NRXN1: variants seen among roughly 807,000 people sequenced by gnomAD.
The protein encoded by NRXN1 is neurexin-1.
A neutral mutation model predicts 150.9 loss-of-function variants in NRXN1; 39 were observed. The observed-to-expected ratio is 0.26, with a 90% CI of 0.20 to 0.34. The LOEUF is 0.34. Among genes scored for constraint, NRXN1 ranks in the 10% least tolerant of loss-of-function variants. NRXN1 has a pLI of 1.00. For missense variants in NRXN1, 1,815 were observed against 1,949.9 expected, an observed-to-expected ratio of 0.93 and a Z score of 1.30; for synonymous variants, 924 against 757.0, an observed-to-expected ratio of 1.22 and a Z score of -3.62.
intron 17 of NRXN1, among the ~76,000 whole-genome samples, chr2:50,245,707 C>G (rs1286021433): frequency 2.0e-5 from 3 of 151,278 alleles, no homozygotes; most frequent in Admixed American, 2.0e-4. Flanking sequence ...ATTCAAGAGT[C>G]AAGAATTTTC....
chr2:50,551,769 G>T (rs1225323395), intron 9 of NRXN1, among the ~76,000 whole-genome samples: 1 of 152,004 alleles, frequency 6.6e-6, no homozygotes, highest in Non-Finnish European at 1.5e-5. Context: ...CTGTCTGTCT[G>T]CCTCTTTCTC....
At chr2:50,487,109 T>G (rs1010352686) in intron 15 of NRXN1, among the ~76,000 whole-genome samples, 7 of 152,148 alleles carry the variant, frequency 4.6e-5, no homozygotes, top group Non-Finnish European at 1.0e-4. Flanking sequence ...GAACAGCAAC[T>G]TCATCAGTTT....
At chr2:50,545,199 T>C (rs1380192134) in intron 9 of NRXN1, among the ~76,000 whole-genome samples, 2 of 152,280 alleles carry the variant, frequency 1.3e-5, no homozygotes, top group Non-Finnish European at 1.5e-5. Flanking sequence ...ACCAAAAGTA[T>C]GTATTTATAT....
chr2:50,497,810 G>T, intron 13 of NRXN1, 96 bp from the exon 14 acceptor site: 4 of 1,148,032 alleles, frequency 3.5e-6, no homozygotes, highest in Non-Finnish European at 3.7e-6. Flanking sequence ...AATACAAGGA[G>T]CCAAATCCCT....
At chr2:50,488,780 T>C (rs1407685862) in intron 15 of NRXN1, among the ~76,000 whole-genome samples, 1 of 152,210 alleles carries the variant, frequency 6.6e-6, no homozygotes, top group Non-Finnish European at 1.5e-5. Flanking sequence ...TAAATCTTAC[T>C]TGAATGAGAG....
At chr2:50,379,054 A>C (rs1414965824) in intron 17 of NRXN1, among the ~76,000 whole-genome samples, 1 of 152,146 alleles carries the variant, frequency 6.6e-6, no homozygotes, top group Non-Finnish European at 1.5e-5. Flanking sequence ...CATTCAAAAA[A>C]CATTTGTTTA....
At chr2:50,728,862 T>A (rs1015001637) in intron 5 of NRXN1, among the ~76,000 whole-genome samples, 6 of 152,214 alleles carry the variant, frequency 3.9e-5, no homozygotes, top group Non-Finnish European at 1.5e-5. Context: ...ATTATAGAGC[T>A]AGTGTATTTA....
intron 5 of NRXN1, among the ~76,000 whole-genome samples, chr2:50,669,964 A>G (rs947363421): frequency 7.2e-5 from 11 of 151,904 alleles, no homozygotes; most frequent in African/African-American, 2.2e-4. Flanking sequence ...CTAATCCAAA[A>G]GGAGAACACA....
intron 21 of NRXN1, among the ~76,000 whole-genome samples, chr2:49,996,895 T>C (rs1025317408): frequency 6.6e-6 from 1 of 152,218 alleles, no homozygotes; most frequent in African/African-American, 2.4e-5. Flanking sequence ...GTTTTGAATA[T>C]ACTACATCTT....
At chr2:50,483,124 G>T (rs1182264030) in intron 15 of NRXN1, among the ~76,000 whole-genome samples, 2 of 149,994 alleles carry the variant, frequency 1.3e-5, no homozygotes, top group East Asian at 3.9e-4. Flanking sequence ...CTCTGGTCAT[G>T]CTCACTGCTC....
At chr2:50,847,252 C>G (rs1258148153) in intron 5 of NRXN1, among the ~76,000 whole-genome samples, 1 of 152,042 alleles carries the variant, frequency 6.6e-6, no homozygotes, top group Non-Finnish European at 1.5e-5. Context: ...TTTACTTTTT[C>G]AAATTCCTTC....
chr2:50,384,505 C>CAAAAAAAA (rs56052881), intron 17 of NRXN1, among the ~76,000 whole-genome samples: 28 of 55,962 alleles, frequency 5.0e-4, no homozygotes, highest in African/African-American at 1.6e-3. Context: ...GACTCCATCT[C>CAAAAAAAA]AAAAAAAAAA....
At chr2:50,524,478 CATAAATAAATAAATAAATAAATAA>C (rs201231040) in intron 12 of NRXN1, among the ~76,000 whole-genome samples, 2 of 141,052 alleles carry the variant, frequency 1.4e-5, no homozygotes, top group African/African-American at 2.6e-5. Context: ...GAGTCCATCT[CATAAATAAATAAATAAATAAATAA>C]ATAAATAAAT....
chr2:50,525,497 T>C (rs1438224273), intron 12 of NRXN1, among the ~76,000 whole-genome samples: 1 of 152,198 alleles, frequency 6.6e-6, no homozygotes, highest in Admixed American at 6.6e-5. Flanking sequence ...GGATAATTCA[T>C]TTCTGTGCTC....
At chr2:50,585,511 A>T (rs866355092) in intron 8 of NRXN1, among the ~76,000 whole-genome samples, 5 of 152,198 alleles carry the variant, frequency 3.3e-5, no homozygotes, top group Non-Finnish European at 5.9e-5. Context: ...AAGATAGTAA[A>T]TTTTATGTAA....
intron 5 of NRXN1, among the ~76,000 whole-genome samples, chr2:50,680,551 C>T (rs2104794561): frequency 6.6e-6 from 1 of 152,146 alleles, no homozygotes; most frequent in East Asian, 1.9e-4. Flanking sequence ...TGTCAATCAA[C>T]TGGATCCTTT....
intron 5 of NRXN1, among the ~76,000 whole-genome samples, chr2:50,729,426 T>C (rs1045578796): frequency 3.3e-5 from 5 of 152,168 alleles, no homozygotes; most frequent in Non-Finnish European, 7.3e-5. Context: ...TCTTAAAAGA[T>C]GAGGGAAGTG....
intron 2 of NRXN1, among the ~76,000 whole-genome samples, chr2:50,977,126 T>A (rs1291945453): frequency 5.9e-5 from 9 of 152,072 alleles, no homozygotes; most frequent in Admixed American, 5.9e-4. Context: ...TACCTCTTGG[T>A]CTGCTAATTA....
chr2:50,826,354 G>A (rs549308144), intron 5 of NRXN1, among the ~76,000 whole-genome samples: 1 of 152,216 alleles, frequency 6.6e-6, no homozygotes, highest in East Asian at 1.9e-4. Flanking sequence ...GAAAAGCAAA[G>A]ACAGGTAAAG....
Sources: allele counts gnomAD v4.1 joint callset (sites outside exome capture counted in the v4.1 genomes callset), GRCh38; gene constraint gnomAD v4.1.1; transcripts MANE v1.5; gene names NCBI Gene and HGNC (gene_info 2026-07-23, HGNC 2026-07-21).